Variants in LINGO2 observed in about 807,000 individuals in gnomAD.
LINGO2 encodes the protein leucine rich repeat and Ig domain containing 2.
In LINGO2, 14 loss-of-function variants were observed where a neutral mutation model predicts 30.6. That is an observed-to-expected ratio of 0.46 (90% confidence interval 0.30 to 0.72). LINGO2 has a LOEUF of 0.72. Ranked by LOEUF, LINGO2 falls within the 30% of genes least tolerant of loss-of-function variation. The probability of loss-of-function intolerance (pLI) is 0.07; values close to 1 mark genes in which losing one functional copy is unlikely to be tolerated. For missense variants in LINGO2, 729 were observed against 751.7 expected, an observed-to-expected ratio of 0.97 and a Z score of 0.35; for synonymous variants, 317 against 288.5, an observed-to-expected ratio of 1.10 and a Z score of -1.00.
At chr9:28,306,791 C>A (rs1824378992) in intron 3 of LINGO2, among the ~76,000 whole-genome samples, 1 of 152,164 alleles carries the variant, frequency 6.6e-6, no homozygotes, top group Non-Finnish European at 1.5e-5. Flanking sequence ...TCAGAGAATA[C>A]TACAAACACC....
chr9:28,412,261 T>C (rs1422516826), intron 2 of LINGO2, among the ~76,000 whole-genome samples: 1 of 151,730 alleles, frequency 6.6e-6, no homozygotes, highest in Non-Finnish European at 1.5e-5. Context: ...TATCTCATTG[T>C]GGTTTGAATT....
chr9:29,176,018 G>A, the LINGO2 span, among the ~76,000 whole-genome samples: 1 of 151,884 alleles, frequency 6.6e-6, no homozygotes, highest in Non-Finnish European at 1.5e-5. Context: ...TATGGCTCAG[G>A]CTGGCACCAA....
At chr9:28,530,979 T>A (rs1821212137) in intron 1 of LINGO2, among the ~76,000 whole-genome samples, 1 of 150,438 alleles carries the variant, frequency 6.6e-6, no homozygotes, top group African/African-American at 2.4e-5. Flanking sequence ...AGTAAAAATA[T>A]AGTGCCAAAT....
chr9:28,909,141 C>T, the LINGO2 span, among the ~76,000 whole-genome samples: 8 of 151,942 alleles, frequency 5.3e-5, no homozygotes, highest in East Asian at 5.8e-4. Context: ...ACCATGTACC[C>T]GATTATGCAA....
intron 5 of LINGO2, among the ~76,000 whole-genome samples, chr9:28,004,636 C>T (rs1197923): frequency 0.96 from 145,763 of 151,702 alleles, 70,288 homozygotes; most frequent in East Asian, 1. Context: ...AGTTTTTTTT[C>T]CCCAGAGTTT....
the LINGO2 span, among the ~76,000 whole-genome samples, chr9:29,140,061 T>C: frequency 1.3e-5 from 2 of 152,100 alleles, no homozygotes; most frequent in Non-Finnish European, 1.5e-5. Flanking sequence ...GCCCTCAGAA[T>C]CTCTAGTATA....
chr9:28,289,394 C>G (rs1199421358), intron 4 of LINGO2, among the ~76,000 whole-genome samples: 2 of 152,160 alleles, frequency 1.3e-5, no homozygotes, highest in Non-Finnish European at 2.9e-5. Flanking sequence ...CTCTGTACAT[C>G]CTGATTAGCA....
At chr9:28,654,229 C>G (rs1828237813) in intron 1 of LINGO2, among the ~76,000 whole-genome samples, 2 of 152,074 alleles carry the variant, frequency 1.3e-5, no homozygotes, top group Non-Finnish European at 2.9e-5. Flanking sequence ...TTTGAACTAA[C>G]AAATTATCTA....
At chr9:28,365,094 G>T (rs1820608616) in intron 3 of LINGO2, among the ~76,000 whole-genome samples, 1 of 152,158 alleles carries the variant, frequency 6.6e-6, no homozygotes, top group African/African-American at 2.4e-5. Context: ...CAGAGGGATT[G>T]CTCTCTAAGT....
chr9:28,634,495 T>TTTTC (rs1554648340), intron 1 of LINGO2, among the ~76,000 whole-genome samples: 3 of 148,776 alleles, frequency 2.0e-5, no homozygotes, highest in Non-Finnish European at 1.5e-5. Flanking sequence ...CTTTTTTTTT[T>TTTTC]TTTTTTTTGA....
the LINGO2 span, among the ~76,000 whole-genome samples, chr9:28,765,605 G>C: frequency 1.3e-5 from 2 of 151,980 alleles, no homozygotes; most frequent in Non-Finnish European, 2.9e-5. Context: ...TTGTTATAAA[G>C]CTAGGAGGTC....
At chr9:28,269,101 A>G (rs34012286) in intron 4 of LINGO2, among the ~76,000 whole-genome samples, 64,559 of 151,940 alleles carry the variant, frequency 0.42, 15,051 homozygotes, top group Non-Finnish European at 0.54. Flanking sequence ...CAGAACTATC[A>G]CCTTCTCCCT....
intron 4 of LINGO2, among the ~76,000 whole-genome samples, chr9:28,089,284 A>G (rs1826005374): frequency 6.6e-6 from 1 of 152,174 alleles, no homozygotes; most frequent in Non-Finnish European, 1.5e-5. Flanking sequence ...ACCACATCAC[A>G]CTTATTCCAA....
At chr9:28,629,835 T>G (rs1359988862) in intron 1 of LINGO2, among the ~76,000 whole-genome samples, 2 of 151,984 alleles carry the variant, frequency 1.3e-5, no homozygotes, top group Non-Finnish European at 2.9e-5. Flanking sequence ...AAAAAATGCA[T>G]GAGGGTCAGA....
chr9:27,990,384 C>A (rs990952162), intron 5 of LINGO2, among the ~76,000 whole-genome samples: 10 of 151,776 alleles, frequency 6.6e-5, no homozygotes, highest in African/African-American at 2.4e-4. Flanking sequence ...GGCTTATGTT[C>A]CTCAGCACAT....
the LINGO2 span, among the ~76,000 whole-genome samples, chr9:28,677,403 T>C: frequency 6.6e-6 from 1 of 152,226 alleles, no homozygotes; most frequent in East Asian, 1.9e-4. Context: ...GGGCTATTCC[T>C]GCTTACTTTA....
the LINGO2 span, chr9:27,941,993 G>A: frequency 6.6e-6 from 1 of 152,036 alleles, no homozygotes; most frequent in Non-Finnish European, 1.5e-5. Flanking sequence ...TAGATCTTAC[G>A]CCTTAAGTTA....
chr9:29,005,166 T>C, the LINGO2 span, among the ~76,000 whole-genome samples: 2 of 152,182 alleles, frequency 1.3e-5, no homozygotes, highest in Admixed American at 6.6e-5. Context: ...AGAGATTTCA[T>C]GTGTCAAAGC....
At chr9:28,249,005 C>A (rs1822102170) in intron 4 of LINGO2, among the ~76,000 whole-genome samples, 1 of 152,066 alleles carries the variant, frequency 6.6e-6, no homozygotes, top group Non-Finnish European at 1.5e-5. Context: ...ACAGATTATG[C>A]TCTCATGTAG....
Sources: gnomAD v4.1 joint callset for allele counts (sites outside exome capture counted in the v4.1 genomes callset) on GRCh38, gnomAD v4.1.1 for gene constraint, MANE v1.5 for transcripts, NCBI Gene and HGNC (gene_info 2026-07-23, HGNC 2026-07-21) for gene names.